NDUFS1: variants seen among roughly 807,000 people sequenced by gnomAD.
The protein encoded by NDUFS1 is NADH-ubiquinone oxidoreductase 75 kDa subunit, mitochondrial.
In NDUFS1, 61 loss-of-function variants were observed where a neutral mutation model predicts 84.4. That is an observed-to-expected ratio of 0.72 (90% CI 0.59 to 0.89). The LOEUF (loss-of-function observed/expected upper bound fraction) is 0.89. Ranked by LOEUF, NDUFS1 falls within the 40% of genes least tolerant of loss-of-function variation. NDUFS1 has a pLI of 0.00. For missense variants in NDUFS1, 891 were observed against 890.0 expected (o/e 1.00, Z -0.01); for synonymous variants, 275 against 290.0 (o/e 0.95, Z 0.53).
chr2:206,130,285 C>A (rs577231061), intron 14 of NDUFS1, 43 bp from the exon 15 acceptor site: 3 of 1,605,172 alleles, frequency 1.9e-6, no homozygotes, highest in South Asian at 1.1e-5. Context: ...GCAGTATTTT[C>A]AATGTAAAAA....
chr2:206,127,410 G>A (rs907256202), intron 16 of NDUFS1: 3 of 224,216 alleles, frequency 1.3e-5, no homozygotes, highest in Admixed American at 5.2e-5. Flanking sequence ...TGGTACATGC[G>A]TGTAATCCCA....
chr2:206,124,100 T>A lies in NDUFS1; in HGVS notation c.*85A>T. The A allele has an allele frequency of 1.2e-6, 1 of 854,274 alleles. No individual in the cohort carries two copies. The highest frequency in any genetic ancestry group is 2.0e-6 in the Non-Finnish European group (1 of 511,520). The allele number at this position is 854,274 out of a possible 1,614,324, so 52.9% of individuals were successfully genotyped here. ...GATTCAAATTATTATTATTTTTTTT[T>A]ACAAAGAAATAAACCTGTAAAGGAT... On this transcript the variant is annotated 3_prime_UTR_variant, in exon 19 of 19. Transcript: ENST00000233190.
At position 206,122,973 on chromosome 2, in the gene NDUFS1, C is replaced by G. The variant is rs550554207; in HGVS notation, c.*1212G>C. The G allele has an allele frequency of 6.6e-6, 1 of 151,998 alleles. No homozygotes were observed. Among genetic ancestry groups the G allele is most frequent in the East Asian group, 1.9e-4 (1 of 5,172 alleles). 9.4% of individuals were successfully genotyped at this position (151,998 alleles called of 1,614,324 possible). On this transcript the variant is annotated 3_prime_UTR_variant, in exon 19 of 19. Transcript: ENST00000233190. ...TGGTCTCCAACTGCCTGGGCTCAAG[C>G]GATCCACCCACCTTGGCCCCCCAAG...
At chr2:206,132,201 C>T (rs1691539883) in intron 14 of NDUFS1, among the ~76,000 whole-genome samples, 1 of 152,110 alleles carries the variant, frequency 6.6e-6, no homozygotes, top group Non-Finnish European at 1.5e-5. Flanking sequence ...TAATAATTAT[C>T]TACACATTGT....
intron 14 of NDUFS1, among the ~76,000 whole-genome samples, chr2:206,131,673 C>T (rs1691516212): frequency 6.6e-6 from 1 of 152,086 alleles, no homozygotes; most frequent in African/African-American, 2.4e-5. Context: ...CGTGGTGGCT[C>T]ACACCTGTAA....
chr2:206,134,800 G>A (rs2105955358), intron 13 of NDUFS1, among the ~76,000 whole-genome samples: 1 of 151,730 alleles, frequency 6.6e-6, no homozygotes, highest in East Asian at 1.9e-4. Context: ...ATCACAATGA[G>A]CCCCATCTAT....
At chr2:206,141,848 CCACTAA>C in intron 12 of NDUFS1, 87 bp downstream of exon 12, 6 of 1,119,376 alleles carry the variant, frequency 5.4e-6, no homozygotes, top group Non-Finnish European at 6.5e-6. Context: ...AGTCTCACTA[CCACTAA>C]CACTATTAGG....
At chr2:206,148,660 A>G (rs1692252692) in intron 5 of NDUFS1, among the ~76,000 whole-genome samples, 1 of 152,196 alleles carries the variant, frequency 6.6e-6, no homozygotes. Flanking sequence ...ACAATACCGA[A>G]TGATCAAAAG....
chr2:206,121,706 C>G lies in NDUFS1; in HGVS notation c.*2479G>C, dbSNP rs1269270153. The G allele has an allele frequency of 2.6e-5, 4 of 152,196 alleles. No homozygotes were observed. Among genetic ancestry groups the G allele is most frequent in the Non-Finnish European group, 5.9e-5 (4 of 68,106 alleles). The allele number at this position is 152,196 out of a possible 1,614,324, so 9.4% of individuals were successfully genotyped here. On this transcript the variant is annotated 3_prime_UTR_variant, in exon 19 of 19. Transcript: ENST00000233190. ...GACCTCAATGATCTGCCCGCCTCAG[C>G]CTGCCAAAGTGCTGGGATTACAGGT...
rs1212631224 is a variant in NDUFS1 at position 206,138,479 on chromosome 2, G to A, written c.1392+6C>T. ...ACAAGAGTAGATACACATAAGTTGA[G>A]AGCACCTGGCTAAATGGATGGCTTC... On this transcript the variant is annotated splice_donor_region_variant and intron_variant, in intron 13 of 18. Transcript: ENST00000233190. 2 of 1,613,452 alleles carry A rather than the reference G, an allele frequency of 1.2e-6. No individual in the cohort carries two copies. The highest frequency in any genetic ancestry group is 1.7e-6 in the Non-Finnish European group (2 of 1,179,550).
intron 1 of NDUFS1, among the ~76,000 whole-genome samples, chr2:206,155,871 A>C (rs1158893523): frequency 2.0e-5 from 3 of 151,526 alleles, no homozygotes; most frequent in African/African-American, 4.8e-5. Context: ...CAAAACTTCT[A>C]AACTTTTTGA....
intron 14 of NDUFS1, among the ~76,000 whole-genome samples, chr2:206,130,950 G>A (rs901376405): frequency 6.6e-6 from 1 of 152,148 alleles, no homozygotes; most frequent in Non-Finnish European, 1.5e-5. Context: ...TCATTAAACT[G>A]TAATTCAGCA....
rs561314385 is a variant in NDUFS1, at chr2:206,157,996, C to T, written c.-5+1345G>A. Among the ~76,000 whole-genome samples the T allele has an allele frequency of 6.8e-4, 94 of 137,556 alleles. 3 individuals carry two copies. The South Asian group carries it at 0.02, about 30-fold the overall frequency. The allele number at this position is 137,556 out of a possible 152,430, so 90.2% of individuals were successfully genotyped here. A position where few individuals can be genotyped will look rare whatever the true frequency, so the allele number is the denominator to read the frequency against. ...TTTTTTTTTTTGAGACAGAGTCTCGCTCTGTCGCCCAGGCTGGAGTGCAGC... is the reference window on the plus strand; with the variant it reads ...TTTTTTTTTTTGAGACAGAGTCTCGTTCTGTCGCCCAGGCTGGAGTGCAGC... On this transcript the variant is annotated intron_variant, in intron 1 of 18. Transcript: ENST00000233190.
At chr2:206,129,110 A>C (rs1431226969) in intron 15 of NDUFS1, among the ~76,000 whole-genome samples, 1 of 152,322 alleles carries the variant, frequency 6.6e-6, no homozygotes, top group African/African-American at 2.4e-5. Flanking sequence ...AAACATCTGA[A>C]TCAAGTGTAA....
At chr2:206,154,809 G>T (rs1305226460) in intron 1 of NDUFS1, among the ~76,000 whole-genome samples, 2 of 151,770 alleles carry the variant, frequency 1.3e-5, no homozygotes, top group Non-Finnish European at 2.9e-5. Context: ...ATCTTTAGTA[G>T]AGACAGGGTT....
chr2:206,144,068 G>C lies in NDUFS1; in HGVS notation c.937C>G (p.Leu313Val). ...TEPMVRNEKG[L>V]LTYTSWEDAL... ...TCCTCCCAAGAAGTATAGGTTAAAA[G>C]CCCTTTTTCATTTCTGACCATTGGC... is the stretch of plus-strand genomic sequence containing the variant. The change falls in exon 10 of 19, where the codon CTT (leucine) becomes GTT (valine). Residue 313 changes from leucine (L) to valine (V), a missense_variant. Physicochemically the swap from Leu to Val is conservative, Grantham distance 32. Transcript: ENST00000233190. 1 of 1,614,042 alleles carries C rather than the reference G, an allele frequency of 6.2e-7. No homozygotes were observed. Among genetic ancestry groups the C allele is most frequent in the Non-Finnish European group, 8.5e-7 (1 of 1,179,960 alleles).
chr2:206,146,538 A>G (rs571470104), intron 8 of NDUFS1, among the ~76,000 whole-genome samples: 1 of 152,362 alleles, frequency 6.6e-6, no homozygotes, highest in South Asian at 2.1e-4. Context: ...AAAGAAATAT[A>G]CAAGCTAAAT....
intron 10 of NDUFS1, 86 bp from the exon 11 acceptor site, chr2:206,142,917 GTTTTC>G (rs1692018864): frequency 6.5e-7 from 1 of 1,540,190 alleles, no homozygotes; most frequent in African/African-American, 1.4e-5. Flanking sequence ...AACAGTACTT[GTTTTC>G]AAGTACAAAA....
Position 206,123,980 on chromosome 2 carries a change from A to G in NDUFS1, c.*205T>C. 1.9e-6 allele frequency: 1 copy of G among 538,958 alleles called. No homozygotes were observed. The highest frequency in any genetic ancestry group is 3.3e-6 in the Non-Finnish European group (1 of 305,848). 33.4% of individuals were successfully genotyped at this position (538,958 alleles called of 1,614,324 possible). A position where few individuals can be genotyped will look rare whatever the true frequency, so the allele number is the denominator to read the frequency against. ...TTAAGAGCATCTGCATAGTTTTGTT[A>G]TTTAACCTTTACACACAATACATGT... On this transcript the variant is annotated 3_prime_UTR_variant, in exon 19 of 19. Coordinates refer to ENST00000233190, the MANE Select transcript of NDUFS1 (RefSeq NM_005006.7).
Sources: gnomAD v4.1 joint callset for allele counts (sites outside exome capture counted in the v4.1 genomes callset) on GRCh38, gnomAD v4.1.1 for gene constraint, MANE v1.5 for transcripts, NCBI Gene and HGNC (gene_info 2026-07-23, HGNC 2026-07-21) for gene names.